RUNX2: variants seen among roughly 807,000 people sequenced by gnomAD.
RUNX2 encodes the protein RUNX family transcription factor 2, also known as runt-related transcription factor 2.
A neutral mutation model predicts 51.7 loss-of-function variants in RUNX2; 10 were observed. The ratio of observed to expected loss-of-function variants is 0.19; its 90% CI spans 0.12 to 0.33. The LOEUF (loss-of-function observed/expected upper bound fraction) is 0.33. RUNX2 is among the 10% of genes least tolerant of loss of function. The pLI is 1.00. For missense variants in RUNX2, 562 were observed against 691.3 expected, an observed-to-expected ratio of 0.81 and a Z score of 2.10; for synonymous variants, 276 against 273.6, an observed-to-expected ratio of 1.01 and a Z score of -0.09.
intron 7 of RUNX2, among the ~76,000 whole-genome samples, chr6:45,531,492 C>A (rs951859703): frequency 4.6e-5 from 7 of 152,184 alleles, no homozygotes; most frequent in African/African-American, 1.7e-4. Flanking sequence ...CGGTGGCTCA[C>A]ACCTGTAATC....
chr6:45,446,387 G>C (rs2150377270), intron 5 of RUNX2, among the ~76,000 whole-genome samples: 1 of 152,228 alleles, frequency 6.6e-6, no homozygotes, highest in African/African-American at 2.4e-5. Flanking sequence ...ATCCAAATGT[G>C]TCAGTAGTTT....
chr6:45,404,824 G>A (rs1797798266), intron 2 of RUNX2, among the ~76,000 whole-genome samples: 1 of 152,246 alleles, frequency 6.6e-6, no homozygotes, highest in Non-Finnish European at 1.5e-5. Flanking sequence ...TTTCTGGAAA[G>A]GCAGTGATAT....
intron 2 of RUNX2, among the ~76,000 whole-genome samples, chr6:45,352,592 G>C (rs1481758180): frequency 6.6e-6 from 1 of 152,056 alleles, no homozygotes; most frequent in East Asian, 1.9e-4. Flanking sequence ...TAGGAACAAA[G>C]TACATTTTAT....
intron 6 of RUNX2, among the ~76,000 whole-genome samples, chr6:45,508,523 C>T (rs188890063): frequency 2.0e-5 from 3 of 152,080 alleles, no homozygotes; most frequent in African/African-American, 4.8e-5. Flanking sequence ...CCACTGCTCC[C>T]GGCCTATTTT....
intron 2 of RUNX2, among the ~76,000 whole-genome samples, chr6:45,344,165 C>T (rs1790384641): frequency 1.3e-5 from 2 of 152,150 alleles, no homozygotes; most frequent in African/African-American, 4.8e-5. Flanking sequence ...AGAACATCCA[C>T]TAAATACTTA....
rs560313320 is a variant in RUNX2, at chr6:45,411,137, A to G, written c.59-11456A>G. Among the ~76,000 whole-genome samples the G allele has an allele frequency of 8.5e-5, 13 of 152,352 alleles. No individual in the cohort carries two copies. The East Asian group carries it at 2.5e-3, about 29-fold the overall frequency. Reference sequence around the variant, plus strand: ...CTCCAAATTGCACACTCTACAATTGAGAAGTTCAGAAAATTGAGTAACTCA... The same window carrying G: ...CTCCAAATTGCACACTCTACAATTGGGAAGTTCAGAAAATTGAGTAACTCA... On this transcript the variant is annotated intron_variant, in intron 2 of 8. Transcript: ENST00000647337.
At chr6:45,409,154 T>G (rs937579847) in intron 2 of RUNX2, among the ~76,000 whole-genome samples, 1 of 152,220 alleles carries the variant, frequency 6.6e-6, no homozygotes, top group African/African-American at 2.4e-5. Flanking sequence ...CAGCAAATAT[T>G]CATTGCACCT....
intron 2 of RUNX2, among the ~76,000 whole-genome samples, chr6:45,381,760 G>A (rs35565233): frequency 0.12 from 18,363 of 152,208 alleles, 1,480 homozygotes; most frequent in East Asian, 0.3. Flanking sequence ...AAAAACCAGC[G>A]TGAAAAGATG....
intron 2 of RUNX2, chr6:45,422,044 G>T (rs1254675738): frequency 2.7e-5 from 4 of 147,836 alleles, no homozygotes; most frequent in African/African-American, 9.8e-5. Flanking sequence ...CCGCGGAGGC[G>T]GCGGCGCGGG....
intron 5 of RUNX2, among the ~76,000 whole-genome samples, chr6:45,485,623 T>C (rs941697504): frequency 1.3e-5 from 2 of 150,414 alleles, no homozygotes; most frequent in Admixed American, 6.7e-5. Flanking sequence ...TTTAGATTGA[T>C]ATCACACACA....
intron 2 of RUNX2, among the ~76,000 whole-genome samples, chr6:45,411,800 G>A (rs1417147598): frequency 6.6e-6 from 1 of 152,116 alleles, no homozygotes; most frequent in Non-Finnish European, 1.5e-5. Context: ...GTAAACACCA[G>A]TGAAGCAAGT....
intron 2 of RUNX2, among the ~76,000 whole-genome samples, chr6:45,403,392 C>A (rs1210244121): frequency 6.6e-6 from 1 of 152,010 alleles, no homozygotes; most frequent in Non-Finnish European, 1.5e-5. Flanking sequence ...AGCCACCATG[C>A]CCAGCTAATT....
At position 45,367,377 on chromosome 6, in the gene RUNX2, T is replaced by C. The variant is rs539703994; in HGVS notation, c.58+38593T>C. ...TTTTTTTAAGCCTAAATTTGTGCCA[T>C]TGTTTAAAAAGACTTTTGGAATAAG... On this transcript the variant is annotated intron_variant, in intron 2 of 8. Transcript: ENST00000647337. Among the ~76,000 whole-genome samples the C allele has an allele frequency of 1.8e-4, 28 of 152,140 alleles. No individual in the cohort carries two copies. In the South Asian group the frequency reaches 5.4e-3, roughly 29 times the overall value.
intron 7 of RUNX2, among the ~76,000 whole-genome samples, chr6:45,544,381 G>C (rs1187892723): frequency 6.6e-6 from 1 of 152,122 alleles, no homozygotes; most frequent in East Asian, 1.9e-4. Context: ...AGGAAGGAGT[G>C]GGGAGGGGTA....
At chr6:45,509,751 C>T (rs1335613339) in intron 6 of RUNX2, among the ~76,000 whole-genome samples, 1 of 152,204 alleles carries the variant, frequency 6.6e-6, no homozygotes, top group African/African-American at 2.4e-5. Context: ...CTGTATCTTA[C>T]ATCCAGGTTG....
At chr6:45,454,566 A>C (rs1284155002) in intron 5 of RUNX2, among the ~76,000 whole-genome samples, 1 of 152,234 alleles carries the variant, frequency 6.6e-6, no homozygotes, top group Non-Finnish European at 1.5e-5. Flanking sequence ...GTTTGAAGGA[A>C]TAGGTGGCAT....
chr6:45,430,173 CAGAT>C lies in RUNX2; in HGVS notation c.424-1689_424-1686del, dbSNP rs1386128814. Among the ~76,000 whole-genome samples the C allele has an allele frequency of 6.6e-5, 10 of 152,160 alleles. No homozygotes were observed. The South Asian group carries it at 1.9e-3, about 28-fold the overall frequency. ...CAGGGTTGATAAGTGGTGAACAAGA[CAGAT>C]GAGATGAAGGCCCTTCTCTCGTGTA... On this transcript the variant is annotated intron_variant, in intron 3 of 8. Transcript: ENST00000647337.
intron 3 of RUNX2, among the ~76,000 whole-genome samples, chr6:45,427,288 C>T (rs193058741): frequency 3.3e-5 from 5 of 152,056 alleles, no homozygotes; most frequent in African/African-American, 1.2e-4. Flanking sequence ...TGTATCCTTT[C>T]AAAATTCCAG....
intron 2 of RUNX2, among the ~76,000 whole-genome samples, chr6:45,330,667 A>T (rs1787289107): frequency 6.6e-6 from 1 of 151,964 alleles, no homozygotes; most frequent in Non-Finnish European, 1.5e-5. Flanking sequence ...CTTAATAACT[A>T]TTCAAAATTT....
Sources: gnomAD v4.1 joint callset for allele counts (sites outside exome capture counted in the v4.1 genomes callset) on GRCh38, gnomAD v4.1.1 for gene constraint, MANE v1.5 for transcripts, NCBI Gene and HGNC (gene_info 2026-07-23, HGNC 2026-07-21) for gene names.